The following IGFBP4 variants were observed in gnomAD, a reference collection of about 807,000 sequenced individuals.
The protein encoded by IGFBP4 is insulin-like growth factor-binding protein 4.
A neutral mutation model predicts 25.8 loss-of-function variants in IGFBP4; 9 were observed. The ratio of observed to expected loss-of-function variants is 0.35; its 90% CI spans 0.21 to 0.61. IGFBP4 has a LOEUF of 0.61. IGFBP4 is among the 20% of genes least tolerant of loss of function. The probability of loss-of-function intolerance (pLI) is 0.77; values close to 1 mark genes in which losing one functional copy is unlikely to be tolerated. For missense variants in IGFBP4, 315 were observed against 365.3 expected (o/e 0.86, Z 1.12); for synonymous variants, 153 against 153.9 (o/e 0.99, Z 0.05).
At chr17:40,454,099 C>G in intron 3 of IGFBP4, 37 bp downstream of exon 3, 1 of 1,598,894 alleles carries the variant, frequency 6.3e-7, no homozygotes, top group Non-Finnish European at 8.5e-7. Context: ...GCCCTGGACT[C>G]AGCTCTGGGG....
chr17:40,455,261 A>G lies in IGFBP4; in HGVS notation c.643-1188A>G, dbSNP rs115781519. ...ATTGATGAACGAATATTAGTATATT[A>G]TTATTAATTAGTGGTTTATATTAGG... On this transcript the variant is annotated intron_variant, in intron 3 of 3. Transcript: ENST00000269593. Among the ~76,000 whole-genome samples, 1,152 of 152,140 alleles carry G rather than the reference A, an allele frequency of 7.6e-3. 11 individuals are homozygous for G. Among genetic ancestry groups the G allele is most frequent in the African/African-American group, 0.026 (1,095 of 41,504 alleles).
Position 40,443,918 on chromosome 17 carries a change from G to A in IGFBP4, c.183G>A (p.Leu61=). The change falls in exon 1 of 4, where the codon CTG becomes CTA. Residue 61 remains leucine, a synonymous_variant. Transcript: ENST00000269593. Reference sequence around the variant, plus strand: ...GCGGCTGTTGCGCCACTTGCGCCCTGGGCTTGGGGATGCCCTGCGGGGTGT... The same window carrying A: ...GCGGCTGTTGCGCCACTTGCGCCCTAGGCTTGGGGATGCCCTGCGGGGTGT... ...PGCGCCATCA[L]GLGMPCGVYT... is the part of the protein sequence containing the mutation. 1 of 1,531,132 alleles carries A rather than the reference G, an allele frequency of 6.5e-7. No individual in the cohort carries two copies. Among genetic ancestry groups the A allele is most frequent in the South Asian group, 1.2e-5 (1 of 83,582 alleles). 94.8% of individuals were successfully genotyped at this position (1,531,132 alleles called of 1,614,324 possible).
In IGFBP4 at chr17:40,453,303, T is replaced by G. The variant is rs1385165890; in HGVS notation, c.507+161T>G. ...GTGACTACTGTGTGCAAGGTGCAAC[T>G]AGTGTGAGTCATCAGGACCCAGAGA... On this transcript the variant is annotated intron_variant, in intron 2 of 3. Coordinates refer to ENST00000269593, the MANE Select transcript of IGFBP4 (RefSeq NM_001552.3). This position sits in a 1 kb window ranked among gnomAD's most constrained non-coding sequence, Gnocchi z 4.0. Among the ~76,000 whole-genome samples, 6 of 152,164 alleles carry G rather than the reference T, an allele frequency of 3.9e-5. No homozygotes were observed.
At position 40,454,853 on chromosome 17, in the gene IGFBP4, C is replaced by T. The variant is rs192658003; in HGVS notation, c.642+791C>T. ...ACCCTAGCCTGGAGCTCTTTGTCGA[C>T]GTAGACAGACCCATTTCCCTGCTCC... On this transcript the variant is annotated intron_variant, in intron 3 of 3. Coordinates refer to ENST00000269593, the MANE Select transcript of IGFBP4 (RefSeq NM_001552.3). Among the ~76,000 whole-genome samples, 313 of 152,262 alleles carry T rather than the reference C, an allele frequency of 2.1e-3. 2 individuals are homozygous for T. Among genetic ancestry groups the T allele is most frequent in the Middle Eastern group, 3.4e-3 (1 of 294 alleles).
In IGFBP4 at chr17:40,456,457, A is replaced by G; in HGVS notation, c.651A>G (p.Pro217=). 1 of 1,614,006 alleles carries G rather than the reference A, an allele frequency of 6.2e-7. No homozygotes were observed. Among genetic ancestry groups the G allele is most frequent in the Non-Finnish European group, 8.5e-7 (1 of 1,180,000 alleles). ...TGTCCTTCTCTTGGCAGTGTCACCC[A>G]GCTCTGGATGGGCAGCGTGGCAAGT... is the stretch of plus-strand genomic sequence containing the variant. ...NGNFHPKQCH[P]ALDGQRGKCW... The change falls in exon 4 of 4, where the codon CCA becomes CCG. Residue 217 remains proline (P), a synonymous_variant. Transcript: ENST00000269593.
At position 40,456,621 on chromosome 17, in the gene IGFBP4, A is replaced by G. The variant is rs760656450; in HGVS notation, c.*38A>G. 2 of 1,595,758 alleles carry G rather than the reference A, an allele frequency of 1.3e-6. No individual in the cohort carries two copies. The highest frequency in any genetic ancestry group is 1.7e-6 in the Non-Finnish European group (2 of 1,171,140). On this transcript the variant is annotated 3_prime_UTR_variant, in exon 4 of 4. Transcript: ENST00000269593. ...GGCCAGGGACTCAGCGTCCCCTGCT[A>G]CTCCTGTGCTCTGGAGGCTGCAGAG...
intron 1 of IGFBP4, among the ~76,000 whole-genome samples, chr17:40,448,510 C>T (rs1350673136): frequency 1.3e-5 from 2 of 152,226 alleles, no homozygotes; most frequent in East Asian, 3.9e-4. Flanking sequence ...GGGAATAGGT[C>T]TGACTCCACT....
rs796973860 is a variant in IGFBP4, at chr17:40,453,479, G to A, written c.507+337G>A. 8.5e-5 allele frequency among the ~76,000 whole-genome samples: 13 copies of A among 152,130 alleles called. No homozygotes were observed. The highest frequency in any genetic ancestry group is 3.1e-4 in the African/African-American group (13 of 41,488). ...GCCCTGGGGTTTCTTGGCCTTTTTT[G>A]GATTCCCCACCCCAGACCTTCTCAG... On this transcript the variant is annotated intron_variant, in intron 2 of 3. Transcript: ENST00000269593. This position sits in a 1 kb window ranked among gnomAD's most constrained non-coding sequence, Gnocchi z 4.0.
rs2035694003 is a variant in IGFBP4 at position 40,452,978 on chromosome 17, AAT to A, written c.350-5_350-4del. The A allele has an allele frequency of 6.6e-7, 1 of 1,514,670 alleles. No homozygotes were observed. The highest frequency in any genetic ancestry group is 2.0e-5 in the Admixed American group (1 of 49,052). The allele number at this position is 1,514,670 out of a possible 1,614,324, so 93.8% of individuals were successfully genotyped here. A position where few individuals can be genotyped will look rare whatever the true frequency, so the allele number is the denominator to read the frequency against. On this transcript the variant is annotated splice_polypyrimidine_tract_variant and splice_region_variant and intron_variant, in intron 1 of 3. Transcript: ENST00000269593. ...GCTGACCTCTCCTTATCGCTACCTG[AAT>A]ACAGACAAGGACGAGGGTGACCACC...
chr17:40,455,547 A>G (rs2035709532), intron 3 of IGFBP4, among the ~76,000 whole-genome samples: 1 of 149,988 alleles, frequency 6.7e-6, no homozygotes, highest in Non-Finnish European at 1.5e-5. Flanking sequence ...CAATGGTGGG[A>G]TCTCGGCTCA....
intron 1 of IGFBP4, among the ~76,000 whole-genome samples, chr17:40,447,014 C>T (rs1176162527): frequency 6.6e-6 from 1 of 152,252 alleles, no homozygotes; most frequent in African/African-American, 2.4e-5. Flanking sequence ...CCACTGTCTG[C>T]TTTAGGTCCC....
rs1422356984 is a variant in IGFBP4 at position 40,444,114 on chromosome 17, C to T, written c.349+30C>T. On this transcript the variant is annotated intron_variant, in intron 1 of 3. Transcript: ENST00000269593. ...GGTACCCCTGGCCTCCCAATTCCCT[C>T]CTGAGTGCGCTCCCTTCCCAGCGGC... 2.7e-6 allele frequency: 4 copies of T among 1,474,028 alleles called. No homozygotes were observed. In the South Asian group the frequency reaches 4.8e-5, roughly 18 times the overall value. The allele number at this position is 1,474,028 out of a possible 1,614,324, so 91.3% of individuals were successfully genotyped here. A position where few individuals can be genotyped will look rare whatever the true frequency, so the allele number is the denominator to read the frequency against.
At chr17:40,444,886 C>G (rs866410597) in intron 1 of IGFBP4, among the ~76,000 whole-genome samples, 20 of 46,654 alleles carry the variant, frequency 4.3e-4, no homozygotes, top group East Asian at 5.6e-4. Context: ...GAGAGAGAAA[C>G]ACACACACAC....
Position 40,456,745 on chromosome 17 carries a change from G to C in IGFBP4, c.*162G>C. On this transcript the variant is annotated 3_prime_UTR_variant, in exon 4 of 4. Coordinates refer to ENST00000269593, the MANE Select transcript of IGFBP4 (RefSeq NM_001552.3). ...TGCACGTGTGCGTGTGCGTGCGTGT[G>C]TGTGTGTTTGTGAGCATGGGTGTGC... The C allele has an allele frequency of 1.5e-6, 1 of 657,074 alleles. No homozygotes were observed. The highest frequency in any genetic ancestry group is 2.5e-6 in the Non-Finnish European group (1 of 393,906). 40.7% of individuals were successfully genotyped at this position (657,074 alleles called of 1,614,324 possible).
chr17:40,454,661 C>T (rs2035704914), intron 3 of IGFBP4, among the ~76,000 whole-genome samples: 1 of 152,220 alleles, frequency 6.6e-6, no homozygotes, highest in African/African-American at 2.4e-5. Context: ...AAGGCAGCAA[C>T]TTCCCTATTC....
At chr17:40,450,328 A>G (rs1057427063) in intron 1 of IGFBP4, among the ~76,000 whole-genome samples, 5 of 151,910 alleles carry the variant, frequency 3.3e-5, no homozygotes, top group African/African-American at 9.7e-5. Flanking sequence ...GGTCATTAAA[A>G]GAAAGCAAAC....
In IGFBP4 at chr17:40,443,762, C is replaced by T; in HGVS notation, c.27C>T (p.Ala9=). The T allele has an allele frequency of 6.7e-7, 1 of 1,501,372 alleles. No homozygotes were observed. The highest frequency in any genetic ancestry group is 8.8e-7 in the Non-Finnish European group (1 of 1,133,802). The allele number at this position is 1,501,372 out of a possible 1,614,324, so 93.0% of individuals were successfully genotyped here. A position where few individuals can be genotyped will look rare whatever the true frequency, so the allele number is the denominator to read the frequency against. Residue 9 remains alanine, a synonymous_variant, in exon 1 of 4, where the codon GCC becomes GCT. Coordinates refer to ENST00000269593, the MANE Select transcript of IGFBP4 (RefSeq NM_001552.3). MLPLCLVA[A]LLLAAGPGPS... ...TGCTGCCCCTCTGCCTCGTGGCCGC[C>T]CTGCTGCTGGCCGCCGGGCCCGGGC...
At position 40,443,913 on chromosome 17, in the gene IGFBP4, G is replaced by T. The variant is rs1264667324; in HGVS notation, c.178G>T (p.Ala60Ser). 3.9e-6 allele frequency: 6 copies of T among 1,530,768 alleles called. No homozygotes were observed. Among genetic ancestry groups the T allele is most frequent in the Non-Finnish European group, 5.2e-6 (6 of 1,144,044 alleles). The allele number at this position is 1,530,768 out of a possible 1,614,324, so 94.8% of individuals were successfully genotyped here. Reference protein sequence around the residue: ...EPGCGCCATCALGLGMPCGVY... With the variant: ...EPGCGCCATCSLGLGMPCGVY... Reference sequence around the variant, plus strand: ...GGGCTGCGGCTGTTGCGCCACTTGCGCCCTGGGCTTGGGGATGCCCTGCGG... The same window carrying T: ...GGGCTGCGGCTGTTGCGCCACTTGCTCCCTGGGCTTGGGGATGCCCTGCGG... The change falls in exon 1 of 4, where the codon GCC becomes TCC. Residue 60 changes from alanine (A) to serine (S), a missense_variant. Coordinates refer to ENST00000269593, the MANE Select transcript of IGFBP4 (RefSeq NM_001552.3).
At chr17:40,454,935 TAGA>T (rs908603165) in intron 3 of IGFBP4, among the ~76,000 whole-genome samples, 2 of 152,140 alleles carry the variant, frequency 1.3e-5, no homozygotes, top group African/African-American at 4.8e-5. Context: ...GAAGTCTAGA[TAGA>T]AGGACAAAGG....
Sources: gnomAD v4.1 joint callset for allele counts (sites outside exome capture counted in the v4.1 genomes callset) on GRCh38, gnomAD v4.1.1 for gene constraint, Gnocchi (gnomAD v3.1) non-coding constraint, MANE v1.5 for transcripts, NCBI Gene and HGNC (gene_info 2026-07-23, HGNC 2026-07-21) for gene names.